The following WWOX variants were observed in gnomAD, a reference collection of about 807,000 sequenced individuals.
The protein encoded by WWOX is WW domain-containing oxidoreductase.
WWOX carries 69 observed loss-of-function variants against 46.2 expected under a neutral mutation model. The ratio of observed to expected loss-of-function variants is 1.49; its 90% CI spans 1.23 to 1.82. WWOX has a LOEUF of 1.82. Among genes scored for constraint, WWOX ranks in the 40% most tolerant of loss-of-function variants. WWOX has a pLI of 0.00. For missense variants in WWOX, 919 were observed against 542.6 expected (o/e 1.69, Z -6.89); for synonymous variants, 359 against 202.6 (o/e 1.77, Z -6.56).
intron 8 of WWOX, among the ~76,000 whole-genome samples, chr16:79,190,971 A>G (rs908850234): frequency 6.6e-6 from 1 of 152,240 alleles, no homozygotes; most frequent in South Asian, 2.1e-4. Flanking sequence ...ACATTCAAAT[A>G]AAATCATGTA....
At chr16:78,318,693 T>C (rs2080403980) in intron 5 of WWOX, among the ~76,000 whole-genome samples, 3 of 152,334 alleles carry the variant, frequency 2.0e-5, no homozygotes, top group South Asian at 4.1e-4. Context: ...TTAGCTGTAC[T>C]GTACATACAT....
At chr16:78,313,487 C>G (rs369483206) in intron 5 of WWOX, among the ~76,000 whole-genome samples, 1 of 152,030 alleles carries the variant, frequency 6.6e-6, no homozygotes, top group Non-Finnish European at 1.5e-5. Flanking sequence ...TGCCTTGGCC[C>G]CTGGAGTAGC....
intron 8 of WWOX, among the ~76,000 whole-genome samples, chr16:78,711,316 G>C (rs758555672): frequency 6.6e-6 from 1 of 152,148 alleles, no homozygotes; most frequent in Non-Finnish European, 1.5e-5. Flanking sequence ...CTATTTCTAT[G>C]GTTTGTTTAG....
At chr16:78,718,985 G>A (rs531412514) in intron 8 of WWOX, among the ~76,000 whole-genome samples, 1 of 152,026 alleles carries the variant, frequency 6.6e-6, no homozygotes, top group Non-Finnish European at 1.5e-5. Context: ...TTTTGAGTCT[G>A]TAAGATCCCA....
At chr16:78,697,219 A>G (rs140125096) in intron 8 of WWOX, among the ~76,000 whole-genome samples, 1 of 152,320 alleles carries the variant, frequency 6.6e-6, no homozygotes, top group Non-Finnish European at 1.5e-5. Flanking sequence ...TTCTACTTTT[A>G]GTTCTTCAAG....
intron 8 of WWOX, among the ~76,000 whole-genome samples, chr16:78,733,345 C>T (rs2049009418): frequency 6.6e-6 from 1 of 152,022 alleles, no homozygotes; most frequent in African/African-American, 2.4e-5. Flanking sequence ...GTCTCAGCTT[C>T]CCAGAAGGTC....
intron 8 of WWOX, among the ~76,000 whole-genome samples, chr16:78,727,708 A>G (rs2048869270): frequency 1.3e-5 from 2 of 152,080 alleles, no homozygotes; most frequent in South Asian, 4.1e-4. Flanking sequence ...GGCTAATAGT[A>G]GTGCTGTGTG....
chr16:78,576,348 G>A (rs960679521), intron 8 of WWOX, among the ~76,000 whole-genome samples: 4 of 152,088 alleles, frequency 2.6e-5, no homozygotes, highest in Admixed American at 2.0e-4. Flanking sequence ...CTTCATAATT[G>A]AAGTTCACCT....
At chr16:78,115,575 C>T (rs2032737747) in intron 4 of WWOX, among the ~76,000 whole-genome samples, 1 of 152,188 alleles carries the variant, frequency 6.6e-6, no homozygotes. Context: ...TTCGACTGGT[C>T]ACTGAGCATA....
chr16:79,162,728 A>C (rs1442573618), intron 8 of WWOX, among the ~76,000 whole-genome samples: 7 of 152,190 alleles, frequency 4.6e-5, no homozygotes, highest in Non-Finnish European at 5.9e-5. Flanking sequence ...CAGAGGCTCA[A>C]GAATTGAGAC....
chr16:79,090,264 C>T (rs187594025), intron 8 of WWOX, among the ~76,000 whole-genome samples: 2 of 147,126 alleles, frequency 1.4e-5, no homozygotes, highest in African/African-American at 5.1e-5. Context: ...GCCATCCTGA[C>T]AGATTCTACT....
chr16:78,116,992 T>TA (rs1390378919), intron 4 of WWOX, among the ~76,000 whole-genome samples: 1 of 152,192 alleles, frequency 6.6e-6, no homozygotes, highest in Non-Finnish European at 1.5e-5. Context: ...CCAGGACTGA[T>TA]AGAGTTGGTT....
chr16:78,386,223 C>T lies in WWOX; in HGVS notation c.517-637C>T, dbSNP rs1053293772. 3.3e-5 allele frequency among the ~76,000 whole-genome samples: 5 copies of T among 152,236 alleles called. No individual in the cohort carries two copies. The East Asian group carries it at 5.8e-4, about 18-fold the overall frequency. On this transcript the variant is annotated intron_variant, in intron 5 of 8. Coordinates refer to ENST00000566780, the MANE Select transcript of WWOX (RefSeq NM_016373.4). ...TGAGATGGTATGCAAATGTCCAGCC[C>T]GTGGCAGGCCCTAAGTACACAGTAG...
chr16:78,852,853 A>C (rs1355956282), intron 8 of WWOX, among the ~76,000 whole-genome samples: 2 of 152,242 alleles, frequency 1.3e-5, no homozygotes, highest in African/African-American at 4.8e-5. Context: ...ACTTTTATAC[A>C]GTAATAAATT....
intron 8 of WWOX, among the ~76,000 whole-genome samples, chr16:79,091,520 T>C (rs2048959870): frequency 6.6e-6 from 1 of 152,116 alleles, no homozygotes; most frequent in Admixed American, 6.6e-5. Flanking sequence ...GCTCTTGGCT[T>C]GAGGCTTAGC....
chr16:79,162,883 C>G (rs117349294), intron 8 of WWOX, among the ~76,000 whole-genome samples: 18 of 152,334 alleles, frequency 1.2e-4, no homozygotes, highest in Non-Finnish European at 1.9e-4. Context: ...AGGTGTTGCT[C>G]TCTGCCTCCT....
At chr16:78,999,152 T>C (rs1241739939) in intron 8 of WWOX, among the ~76,000 whole-genome samples, 1 of 151,892 alleles carries the variant, frequency 6.6e-6, no homozygotes, top group Non-Finnish European at 1.5e-5. Context: ...CTTCTTTTTT[T>C]TTTTTTTTAA....
At chr16:78,463,816 T>C (rs2084010182) in intron 8 of WWOX, among the ~76,000 whole-genome samples, 1 of 152,196 alleles carries the variant, frequency 6.6e-6, no homozygotes, top group African/African-American at 2.4e-5. Flanking sequence ...AAGTGTTTTA[T>C]GAGGGAGTTT....
intron 8 of WWOX, among the ~76,000 whole-genome samples, chr16:78,667,146 A>G (rs888207950): frequency 6.6e-6 from 1 of 152,030 alleles, no homozygotes; most frequent in African/African-American, 2.4e-5. Flanking sequence ...TCCTCTCCAC[A>G]CCACTTTATG....
Sources: allele counts gnomAD v4.1 joint callset (sites outside exome capture counted in the v4.1 genomes callset), GRCh38; gene constraint gnomAD v4.1.1; transcripts MANE v1.5; gene names NCBI Gene and HGNC (gene_info 2026-07-23, HGNC 2026-07-21).